Variants in PRR16 observed in about 807,000 individuals in gnomAD.
The protein encoded by PRR16 is proline rich 16, also known as protein Largen.
In PRR16, 6 loss-of-function variants were observed where a neutral mutation model predicts 18.2. The ratio of observed to expected loss-of-function variants is 0.33; its 90% CI spans 0.18 to 0.65. PRR16 has a LOEUF of 0.65. Ranked by LOEUF, PRR16 falls within the 30% of genes least tolerant of loss-of-function variation. PRR16 has a pLI of 0.74. For synonymous variants in PRR16, 151 were observed against 147.8 expected, an observed-to-expected ratio of 1.02 and a Z score of -0.16; for missense variants, 412 against 376.6, an observed-to-expected ratio of 1.09 and a Z score of -0.78.
the PRR16 span, among the ~76,000 whole-genome samples, chr5:120,708,173 T>C: frequency 6.6e-6 from 1 of 152,208 alleles, no homozygotes; most frequent in East Asian, 1.9e-4. Flanking sequence ...CTCCTAAATT[T>C]AGTAGCCTTC....
intron 1 of PRR16, among the ~76,000 whole-genome samples, chr5:120,637,917 T>C (rs1360590579): frequency 1.3e-5 from 2 of 152,160 alleles, no homozygotes; most frequent in Non-Finnish European, 2.9e-5. Context: ...ATAGTAACCT[T>C]TTGTAAAATA....
chr5:120,718,170 A>T, the PRR16 span, among the ~76,000 whole-genome samples: 1 of 152,136 alleles, frequency 6.6e-6, no homozygotes, highest in African/African-American at 2.4e-5. Flanking sequence ...TTCCCGTCTA[A>T]TGTTCACATC....
At chr5:120,637,308 C>T (rs1755261039) in intron 1 of PRR16, among the ~76,000 whole-genome samples, 1 of 71,510 alleles carries the variant, frequency 1.4e-5, no homozygotes, top group South Asian at 5.4e-4. Flanking sequence ...GAAAGTAAGC[C>T]ATTATACGGA....
At chr5:120,516,236 C>T (rs1750985833) in intron 1 of PRR16, among the ~76,000 whole-genome samples, 2 of 152,012 alleles carry the variant, frequency 1.3e-5, no homozygotes, top group East Asian at 1.9e-4. Context: ...CCAGCCTGGC[C>T]AACATGGCGA....
intron 1 of PRR16, chr5:120,658,346 G>GA (rs1480575647): frequency 3.1e-5 from 2 of 65,472 alleles, no homozygotes; most frequent in East Asian, 7.7e-4. Context: ...TCCCATGAGT[G>GA]GGGGAAAAAA....
intron 1 of PRR16, among the ~76,000 whole-genome samples, chr5:120,469,584 C>A (rs1297861564): frequency 6.6e-6 from 1 of 152,104 alleles, no homozygotes; most frequent in Non-Finnish European, 1.5e-5. Context: ...CCTGCTTAGG[C>A]CTCCCAAAGT....
At chr5:120,685,917 T>C in intron 1 of PRR16, 37 bp from the exon 2 acceptor site, 1 of 1,567,378 alleles carries the variant, frequency 6.4e-7, no homozygotes. Context: ...TTTGTTTGGG[T>C]CATTCTTCAA....
the PRR16 span, among the ~76,000 whole-genome samples, chr5:120,704,799 A>C: frequency 2.6e-5 from 4 of 152,324 alleles, no homozygotes; most frequent in South Asian, 4.1e-4. Context: ...CACATCTGTT[A>C]TTATTTTATC....
In PRR16 at chr5:120,628,687, CA is replaced by C. The variant is rs1266126828; in HGVS notation, c.160-57266del. Among the ~76,000 whole-genome samples the C allele has an allele frequency of 2.4e-4, 34 of 144,666 alleles. 1 individual carries two copies. The East Asian group carries it at 6.1e-3, about 26-fold the overall frequency. 94.9% of individuals were successfully genotyped at this position (144,666 alleles called of 152,430 possible). ...CCTACCTATCTATCTATCTATCTAT[CA>C]TTCTACCATCTATCTATCTATCTAT... On this transcript the variant is annotated intron_variant, in intron 1 of 1. Transcript: ENST00000407149.
At chr5:120,661,350 T>G (rs1204549961) in intron 1 of PRR16, among the ~76,000 whole-genome samples, 1 of 152,110 alleles carries the variant, frequency 6.6e-6, no homozygotes, top group Admixed American at 6.6e-5. Context: ...TTCTCCCTTG[T>G]GCTTGAATTG....
chr5:120,585,695 T>G (rs1753418758), intron 1 of PRR16, among the ~76,000 whole-genome samples: 1 of 151,818 alleles, frequency 6.6e-6, no homozygotes, highest in Admixed American at 6.6e-5. Context: ...TAATTTTTTT[T>G]GTCTCCCATA....
intron 1 of PRR16, among the ~76,000 whole-genome samples, chr5:120,583,849 A>T (rs1753351751): frequency 1.3e-5 from 2 of 152,082 alleles, no homozygotes; most frequent in African/African-American, 4.8e-5. Flanking sequence ...TAGGCAATTG[A>T]CCCAAGCTGT....
chr5:120,683,741 A>G (rs994798401), intron 1 of PRR16, among the ~76,000 whole-genome samples: 2 of 152,176 alleles, frequency 1.3e-5, no homozygotes, highest in Admixed American at 6.5e-5. Flanking sequence ...TTTTACACAA[A>G]ACCTTTCAAA....
At chr5:120,544,341 T>A (rs1752008667) in intron 1 of PRR16, among the ~76,000 whole-genome samples, 1 of 152,166 alleles carries the variant, frequency 6.6e-6, no homozygotes, top group South Asian at 2.1e-4. Context: ...TTTAAAGAAA[T>A]TCACTCTGTG....
At chr5:120,652,330 G>A (rs900144792) in intron 1 of PRR16, among the ~76,000 whole-genome samples, 2 of 152,018 alleles carry the variant, frequency 1.3e-5, no homozygotes, top group African/African-American at 4.8e-5. Flanking sequence ...TAGCAGTCAT[G>A]ATATACTTTG....
At chr5:120,477,432 G>A (rs73783454) in intron 1 of PRR16, among the ~76,000 whole-genome samples, 9,237 of 151,866 alleles carry the variant, frequency 0.061, 619 homozygotes, top group African/African-American at 0.17. Flanking sequence ...TCTCTCATGC[G>A]TTATGTTCAA....
Position 120,639,243 on chromosome 5 carries a change from T to C in PRR16, c.160-46711T>C, listed in dbSNP as rs80023630. Among the ~76,000 whole-genome samples, 909 of 152,226 alleles carry C rather than the reference T, an allele frequency of 6.0e-3. 21 individuals carry two copies. Among genetic ancestry groups the C allele is most frequent in the African/African-American group, 0.021 (866 of 41,566 alleles). On this transcript the variant is annotated intron_variant, in intron 1 of 1. Coordinates refer to ENST00000407149, the MANE Select transcript of PRR16 (RefSeq NM_001300783.2). ...GTTTAATATTGTCTTTTTGTGATTATAATTTGTTTAAACCATATAATTGTT... is the reference window on the plus strand; with the variant it reads ...GTTTAATATTGTCTTTTTGTGATTACAATTTGTTTAAACCATATAATTGTT...
chr5:120,536,289 A>G (rs1397578585), intron 1 of PRR16, among the ~76,000 whole-genome samples: 4 of 152,220 alleles, frequency 2.6e-5, no homozygotes, highest in Non-Finnish European at 4.4e-5. Context: ...GACTCTAGCA[A>G]TAGAATTCAC....
chr5:120,553,002 C>A (rs985183851), intron 1 of PRR16, among the ~76,000 whole-genome samples: 1 of 151,800 alleles, frequency 6.6e-6, no homozygotes, highest in Non-Finnish European at 1.5e-5. Context: ...AGAGAATGGA[C>A]CACATAACTC....
Sources: allele counts gnomAD v4.1 joint callset (sites outside exome capture counted in the v4.1 genomes callset), GRCh38; gene constraint gnomAD v4.1.1; transcripts MANE v1.5; gene names NCBI Gene and HGNC (gene_info 2026-07-23, HGNC 2026-07-21).